Variants in FHIT observed in about 807,000 individuals in gnomAD.
FHIT encodes the protein bis(5'-adenosyl)-triphosphatase.
Under a neutral mutation model 17.9 loss-of-function variants are expected in FHIT, and 19 were observed. The ratio of observed to expected loss-of-function variants is 1.06; its 90% confidence interval spans 0.74 to 1.56. FHIT has a LOEUF of 1.56. Among genes scored for constraint, FHIT ranks in the 40% most tolerant of loss-of-function variants. FHIT has a pLI of 0.00. For synonymous variants in FHIT, 81 were observed against 69.7 expected, an observed-to-expected ratio of 1.16 and a Z score of -0.81; for missense variants, 248 against 189.2, an observed-to-expected ratio of 1.31 and a Z score of -1.82.
In FHIT at chr3:60,086,660, C is replaced by T. The variant is rs527412229; in HGVS notation, c.104-72508G>A. Among the ~76,000 whole-genome samples the T allele has an allele frequency of 1.2e-4, 19 of 152,296 alleles. 1 individual carries two copies. Among genetic ancestry groups the T allele is most frequent in the African/African-American group, 2.9e-4 (12 of 41,562 alleles). On this transcript the variant is annotated intron_variant, in intron 5 of 9. Transcript: ENST00000492590. Reference sequence around the variant, plus strand: ...GCCCTGTGCAAGTCTGAAACTTAGCCGGGCAGACATGATATCTTAAAGCTA... The same window carrying T: ...GCCCTGTGCAAGTCTGAAACTTAGCTGGGCAGACATGATATCTTAAAGCTA...
chr3:60,593,076 C>G (rs2038143781), intron 4 of FHIT, among the ~76,000 whole-genome samples: 1 of 152,134 alleles, frequency 6.6e-6, no homozygotes, highest in Non-Finnish European at 1.5e-5. Context: ...AGACCTTTCT[C>G]CAACATCTAG....
intron 4 of FHIT, among the ~76,000 whole-genome samples, chr3:60,604,379 A>G (rs1553670193): frequency 6.6e-6 from 1 of 152,184 alleles, no homozygotes; most frequent in South Asian, 2.1e-4. Context: ...ATGAGATCAA[A>G]TCATATGCTA....
At chr3:60,704,786 TC>T (rs2041332818) in intron 4 of FHIT, among the ~76,000 whole-genome samples, 1 of 152,126 alleles carries the variant, frequency 6.6e-6, no homozygotes, top group African/African-American at 2.4e-5. Context: ...TATAGCTGCT[TC>T]CTAAAAAATA....
chr3:59,959,589 C>T (rs1229146368), intron 7 of FHIT, among the ~76,000 whole-genome samples: 1 of 152,160 alleles, frequency 6.6e-6, no homozygotes, highest in African/African-American at 2.4e-5. Context: ...TTCATCCATG[C>T]ATATATCCAT....
intron 5 of FHIT, among the ~76,000 whole-genome samples, chr3:60,430,582 T>G (rs1000338988): frequency 6.6e-6 from 1 of 152,092 alleles, no homozygotes; most frequent in Non-Finnish European, 1.5e-5. Flanking sequence ...ATACTGCATT[T>G]TATTCTCTTA....
rs990202011 is a variant in FHIT, at chr3:61,041,520, T to C, written c.-111+527A>G. Among the ~76,000 whole-genome samples, 5 of 152,162 alleles carry C rather than the reference T, an allele frequency of 3.3e-5. No homozygotes were observed. The South Asian group carries it at 8.3e-4, about 25-fold the overall frequency. On this transcript the variant is annotated intron_variant, in intron 3 of 9. Coordinates refer to ENST00000492590, the MANE Select transcript of FHIT (RefSeq NM_002012.4). ...TATTTGACCTTCTACCTATGTGTGA[T>C]CATGGATATTAATCAGCCCTTCTTT...
In FHIT at chr3:60,859,413, GCACAGGTAGACCGCATTTCCACCCATGCA is replaced by G. The variant is rs1261340108; in HGVS notation, c.-110-37431_-110-37403del. 3.9e-5 allele frequency among the ~76,000 whole-genome samples: 6 copies of G among 152,100 alleles called. No homozygotes were observed. In the East Asian group the frequency reaches 9.6e-4, roughly 24 times the overall value. On this transcript the variant is annotated intron_variant, in intron 3 of 9. Transcript: ENST00000492590. ...AGAGATTATTAGTATTCACCCATGT[GCACAGGTAGACCGCATTTCCACCCATGCA>G]CACAGGTAGACCGCATTTCCAAGCT...
intron 5 of FHIT, among the ~76,000 whole-genome samples, chr3:60,113,191 T>C (rs1333253787): frequency 2.0e-5 from 3 of 152,218 alleles, no homozygotes; most frequent in African/African-American, 7.2e-5. Context: ...CTTATCTCCT[T>C]TCCCTACTAA....
chr3:59,850,598 C>T (rs959339509), intron 8 of FHIT, among the ~76,000 whole-genome samples: 1 of 152,140 alleles, frequency 6.6e-6, no homozygotes, highest in East Asian at 1.9e-4. Flanking sequence ...CAAGCTCAGG[C>T]TCTCTAACCA....
At chr3:60,971,378 T>C (rs1709999851) in intron 3 of FHIT, among the ~76,000 whole-genome samples, 1 of 152,192 alleles carries the variant, frequency 6.6e-6, no homozygotes, top group Non-Finnish European at 1.5e-5. Flanking sequence ...TCAAATACTC[T>C]GGAAATACTC....
At chr3:60,234,753 C>A (rs1038888466) in intron 5 of FHIT, among the ~76,000 whole-genome samples, 6 of 152,246 alleles carry the variant, frequency 3.9e-5, no homozygotes, top group African/African-American at 1.4e-4. Flanking sequence ...AAGATCCAAA[C>A]TGAGTTTACA....
rs144156007 is a variant in FHIT, at chr3:61,141,512, G to A, written c.-164+59105C>T. ...TGTAGCCCAGAGAGATATTTGATCC[G>A]TTCATTTGAAAGTCAATACTAAACA... On this transcript the variant is annotated intron_variant, in intron 2 of 9. Transcript: ENST00000492590. Among the ~76,000 whole-genome samples, 32 of 151,898 alleles carry A rather than the reference G, an allele frequency of 2.1e-4. No individual in the cohort carries two copies. The East Asian group carries it at 6.0e-3, about 28-fold the overall frequency.
chr3:61,139,760 T>A (rs2037022525), intron 2 of FHIT, among the ~76,000 whole-genome samples: 1 of 152,146 alleles, frequency 6.6e-6, no homozygotes, highest in Non-Finnish European at 1.5e-5. Context: ...TACTATAATC[T>A]TACAAGTAGG....
At chr3:59,823,005 T>C (rs1442117999) in intron 8 of FHIT, among the ~76,000 whole-genome samples, 1 of 152,220 alleles carries the variant, frequency 6.6e-6, no homozygotes, top group African/African-American at 2.4e-5. Flanking sequence ...TCCAGTTTTA[T>C]TCTCCTACGT....
At chr3:60,153,914 G>A (rs1334952793) in intron 5 of FHIT, among the ~76,000 whole-genome samples, 1 of 152,136 alleles carries the variant, frequency 6.6e-6, no homozygotes, top group Non-Finnish European at 1.5e-5. Context: ...GATAGACACT[G>A]CTTTTGTTCT....
intron 5 of FHIT, among the ~76,000 whole-genome samples, chr3:60,380,910 C>T (rs943610529): frequency 1.3e-5 from 2 of 152,154 alleles, no homozygotes; most frequent in Non-Finnish European, 2.9e-5. Context: ...AGTACATCTT[C>T]TTGAGTGGCT....
chr3:60,350,376 C>T (rs1711026195), intron 5 of FHIT, among the ~76,000 whole-genome samples: 1 of 152,092 alleles, frequency 6.6e-6, no homozygotes, highest in African/African-American at 2.4e-5. Flanking sequence ...CCAATATTTG[C>T]CATGTAGAAG....
chr3:60,932,665 T>C (rs1575713576), intron 3 of FHIT, among the ~76,000 whole-genome samples: 1 of 152,344 alleles, frequency 6.6e-6, no homozygotes, highest in African/African-American at 2.4e-5. Flanking sequence ...CTGTTCTCTG[T>C]CTTTGCTCCT....
In FHIT at chr3:60,840,013, C is replaced by G. The variant is rs184594624; in HGVS notation, c.-110-18002G>C. ...AGAGGGGACTTGATCTTATTTAGAC[C>G]CGGTGGCGAGGGTCCTTCAGCTCCG... On this transcript the variant is annotated intron_variant, in intron 3 of 9. Transcript: ENST00000492590. Among the ~76,000 whole-genome samples the G allele has an allele frequency of 9.7e-3, 1,478 of 152,148 alleles. 19 individuals carry two copies. The highest frequency in any genetic ancestry group is 0.014 in the Non-Finnish European group (925 of 68,004).
Sources: allele counts gnomAD v4.1 joint callset (sites outside exome capture counted in the v4.1 genomes callset), GRCh38; gene constraint gnomAD v4.1.1; transcripts MANE v1.5; gene names NCBI Gene and HGNC (gene_info 2026-07-23, HGNC 2026-07-21).